SULF2: variants seen among roughly 807,000 people sequenced by gnomAD.
The protein encoded by SULF2 is extracellular sulfatase Sulf-2.
In SULF2, 52 loss-of-function variants were observed where a neutral mutation model predicts 107.7. The observed-to-expected ratio is 0.48, with a 90% CI of 0.39 to 0.61. The LOEUF is 0.61. Among genes scored for constraint, SULF2 ranks in the 20% least tolerant of loss-of-function variants. The probability of loss-of-function intolerance (pLI) is 0.00; values close to 1 mark genes in which losing one functional copy is unlikely to be tolerated. For synonymous variants in SULF2, 460 were observed against 464.3 expected, an observed-to-expected ratio of 0.99 and a Z score of 0.12; for missense variants, 993 against 1,177.3, an observed-to-expected ratio of 0.84 and a Z score of 2.29.
intron 1 of SULF2, among the ~76,000 whole-genome samples, chr20:47,769,062 C>T (rs1425661855): frequency 3.4e-5 from 5 of 149,080 alleles, no homozygotes; most frequent in East Asian, 4.0e-4. Context: ...TTTTTTGAGA[C>T]GGAGTTTCAC....
chr20:47,727,568 T>C (rs1039880994), intron 3 of SULF2, among the ~76,000 whole-genome samples: 3 of 152,060 alleles, frequency 2.0e-5, no homozygotes, highest in Non-Finnish European at 2.9e-5. Context: ...ACAGAGAGGG[T>C]GTCGCCTGGA....
intron 3 of SULF2, 77 bp from the exon 4 acceptor site, chr20:47,702,747 C>A (rs2088613734): frequency 7.0e-7 from 1 of 1,427,402 alleles, no homozygotes; most frequent in East Asian, 2.3e-5. Flanking sequence ...GTGTCCGAGG[C>A]CTGAGCATGC....
chr20:47,675,912 A>C (rs2087625002), intron 10 of SULF2, among the ~76,000 whole-genome samples: 1 of 152,120 alleles, frequency 6.6e-6, no homozygotes, highest in Non-Finnish European at 1.5e-5. Flanking sequence ...CTGTCACCCA[A>C]GCTGGAGTGC....
intron 14 of SULF2, among the ~76,000 whole-genome samples, 167 bp from the exon 15 acceptor site, chr20:47,664,356 G>A (rs1056191919): frequency 6.6e-6 from 1 of 152,200 alleles, no homozygotes; most frequent in Non-Finnish European, 1.5e-5. Flanking sequence ...AGGGCAGCAG[G>A]TGCCTGCCTG....
intron 2 of SULF2, among the ~76,000 whole-genome samples, chr20:47,738,839 C>T (rs753075428): frequency 6.6e-6 from 1 of 152,150 alleles, no homozygotes; most frequent in Non-Finnish European, 1.5e-5. Flanking sequence ...TGAAGACAGA[C>T]CAATACAGGG....
chr20:47,695,656 C>A (rs371702132), intron 4 of SULF2, among the ~76,000 whole-genome samples: 1 of 152,228 alleles, frequency 6.6e-6, no homozygotes, highest in Non-Finnish European at 1.5e-5. Flanking sequence ...CTCTGTCGGC[C>A]AGGCTGGAGT....
At chr20:47,677,323 C>G (rs2087677501) in intron 8 of SULF2, among the ~76,000 whole-genome samples, 189 bp from the exon 9 acceptor site, 1 of 152,114 alleles carries the variant, frequency 6.6e-6, no homozygotes, top group Admixed American at 6.5e-5. Context: ...GCCACCCCTT[C>G]CCCAGAGACT....
chr20:47,681,222 G>A (rs190730810), intron 7 of SULF2, among the ~76,000 whole-genome samples: 21 of 152,286 alleles, frequency 1.4e-4, no homozygotes, highest in Non-Finnish European at 2.2e-4. Flanking sequence ...CCTGAGGCTG[G>A]AGCTGTGCAT....
intron 2 of SULF2, among the ~76,000 whole-genome samples, chr20:47,738,293 C>T (rs2089794973): frequency 6.6e-6 from 1 of 152,192 alleles, no homozygotes; most frequent in Non-Finnish European, 1.5e-5. Context: ...GTGGTTGGTA[C>T]CCAGACCCTT....
intron 1 of SULF2, among the ~76,000 whole-genome samples, chr20:47,768,427 A>G (rs775638179): frequency 2.0e-5 from 3 of 152,146 alleles, no homozygotes; most frequent in East Asian, 3.9e-4. Context: ...CCTTTTTTCA[A>G]TTAGGTCATT....
At chr20:47,690,868 CAA>C (rs35385474) in intron 4 of SULF2, among the ~76,000 whole-genome samples, 11 of 135,370 alleles carry the variant, frequency 8.1e-5, no homozygotes, top group Non-Finnish European at 8.0e-5. Context: ...GACTCTGACT[CAA>C]AAAAAAAAAA....
At chr20:47,660,484 G>A (rs1045353584) in intron 18 of SULF2, among the ~76,000 whole-genome samples, 2 of 152,100 alleles carry the variant, frequency 1.3e-5, no homozygotes, top group Non-Finnish European at 2.9e-5. Flanking sequence ...ATGAACTCTA[G>A]GCATCCTCCT....
intron 4 of SULF2, among the ~76,000 whole-genome samples, chr20:47,690,500 G>T (rs549341222): frequency 6.6e-6 from 1 of 152,188 alleles, no homozygotes; most frequent in African/African-American, 2.4e-5. Flanking sequence ...TGATGCAAAT[G>T]GTGCTAAGCT....
chr20:47,764,157 A>T (rs992549534), intron 1 of SULF2, among the ~76,000 whole-genome samples: 2 of 152,100 alleles, frequency 1.3e-5, no homozygotes, highest in African/African-American at 4.8e-5. Flanking sequence ...TCTTTGCTCA[A>T]ATTTCACCTT....
rs766050338 is a variant in SULF2 at position 47,664,195 on chromosome 20, A to G, written c.1998-6T>C. 8 of 1,610,796 alleles carry G rather than the reference A, an allele frequency of 5.0e-6. No homozygotes were observed. In the Admixed American group the frequency reaches 1.3e-4, roughly 27 times the overall value. On this transcript the variant is annotated splice_region_variant and splice_polypyrimidine_tract_variant and intron_variant, in intron 14 of 20. Coordinates refer to ENST00000688720, the MANE Select transcript of SULF2 (RefSeq NM_001387048.1). ...CTTTGTGCTGGGTGTGGTAGCTGTA[A>G]CAGACCCCCCCAGCCCCAGGCTTCA...
chr20:47,658,234 T>C lies in SULF2; in HGVS notation c.*128A>G, dbSNP rs1232920880. ...CAGAATCTGTCATGTTGACTGAGAG[T>C]GCGTGCTTGCTTTCTCAGGCCTCCT... On this transcript the variant is annotated 3_prime_UTR_variant, in exon 21 of 21. Coordinates refer to ENST00000688720, the MANE Select transcript of SULF2 (RefSeq NM_001387048.1). 2.2e-6 allele frequency: 2 copies of C among 892,956 alleles called. No individual in the cohort carries two copies. The highest frequency in any genetic ancestry group is 3.3e-5 in the African/African-American group (2 of 61,110). The allele number at this position is 892,956 out of a possible 1,614,324, so 55.3% of individuals were successfully genotyped here. A position where few individuals can be genotyped will look rare whatever the true frequency, so the allele number is the denominator to read the frequency against.
At chr20:47,698,255 C>A (rs1026434004) in intron 4 of SULF2, among the ~76,000 whole-genome samples, 2 of 152,224 alleles carry the variant, frequency 1.3e-5, no homozygotes, top group South Asian at 2.1e-4. Context: ...TTATTTGGGG[C>A]TCTATTCCCA....
chr20:47,661,749 C>A, intron 18 of SULF2, 24 bp downstream of exon 18: 1 of 1,510,778 alleles, frequency 6.6e-7, no homozygotes, highest in Non-Finnish European at 9.0e-7. Flanking sequence ...TGTCCAAGGG[C>A]CCCACGTTGG....
At chr20:47,693,387 T>C (rs865891643) in intron 4 of SULF2, among the ~76,000 whole-genome samples, 1 of 152,200 alleles carries the variant, frequency 6.6e-6, no homozygotes, top group Non-Finnish European at 1.5e-5. Flanking sequence ...AAGCCACCGT[T>C]GCTCTTCATA....
Sources: allele counts gnomAD v4.1 joint callset (sites outside exome capture counted in the v4.1 genomes callset), GRCh38; gene constraint gnomAD v4.1.1; transcripts MANE v1.5; gene names NCBI Gene and HGNC (gene_info 2026-07-23, HGNC 2026-07-21).